The following ARAP2 variants were observed in gnomAD, a reference collection of about 807,000 sequenced individuals.
The protein encoded by ARAP2 is ArfGAP with RhoGAP domain, ankyrin repeat and PH domain 2, also known as arf-GAP with Rho-GAP domain, ANK repeat and PH domain-containing protein 2.
In ARAP2, 148 loss-of-function variants were observed where a neutral mutation model predicts 194.5. That is an observed-to-expected ratio of 0.76 (90% CI 0.67 to 0.87). The LOEUF is 0.87. Among genes scored for constraint, ARAP2 ranks in the 40% least tolerant of loss-of-function variants. The probability of loss-of-function intolerance (pLI) is 0.00; values close to 1 mark genes in which losing one functional copy is unlikely to be tolerated. For missense variants in ARAP2, 2,128 were observed against 1,989.7 expected (o/e 1.07, Z -1.32); for synonymous variants, 695 against 683.5 (o/e 1.02, Z -0.26).
intron 4 of ARAP2, chr4:36,046,662 C>G (rs1721888561): frequency 6.6e-6 from 1 of 152,234 alleles, no homozygotes; most frequent in East Asian, 1.9e-4. Context: ...GAGCAGGCAG[C>G]AGAGCTAACC....
intron 28 of ARAP2, among the ~76,000 whole-genome samples, chr4:36,086,820 A>G (rs1311628884): frequency 6.6e-6 from 1 of 152,128 alleles, no homozygotes; most frequent in Non-Finnish European, 1.5e-5. Flanking sequence ...TCTTCACACC[A>G]TTAACAGTAT....
rs1725969570 is a variant in ARAP2, at chr4:36,068,252, C to T, written c.4770G>A (p.Leu1590=). 1.3e-6 allele frequency: 2 copies of T among 1,568,558 alleles called. No individual in the cohort carries two copies. Among genetic ancestry groups the T allele is most frequent in the Non-Finnish European group, 1.7e-6 (2 of 1,159,586 alleles). Residue 1590 remains leucine (L), a synonymous_variant, in exon 33 of 33, where the codon CTG becomes CTA. Transcript: ENST00000303965. ...CTTTATCACACTTTTCACTGAGCCG[C>T]AGCCTTTCAAGTTCTGCTCTTGCAC... ...IESARAELER[L]RLSEKCDKES... is the part of the protein sequence containing the mutation.
At chr4:36,027,679 C>G (rs557323314) in intron 5 of ARAP2, among the ~76,000 whole-genome samples, 13 of 152,158 alleles carry the variant, frequency 8.5e-5, no homozygotes, top group African/African-American at 3.1e-4. Context: ...TTGTGACATA[C>G]CATCTTCATC....
At chr4:36,150,765 T>C in intron 16 of ARAP2, 135 bp downstream of exon 16, 2 of 940,900 alleles carry the variant, frequency 2.1e-6, no homozygotes, top group Non-Finnish European at 3.1e-6. Context: ...AGGCGCAAGA[T>C]AAGTAAGCTT....
chr4:36,208,101 C>A (rs1745954048), intron 6 of ARAP2, among the ~76,000 whole-genome samples: 1 of 152,138 alleles, frequency 6.6e-6, no homozygotes, highest in Non-Finnish European at 1.5e-5. Flanking sequence ...CCTGTAAGCC[C>A]TGTAGAAGAA....
intron 27 of ARAP2, among the ~76,000 whole-genome samples, chr4:36,096,065 GA>G (rs1018504414): frequency 7.9e-5 from 12 of 151,060 alleles, no homozygotes; most frequent in African/African-American, 2.7e-4. Flanking sequence ...AAAAACTTTA[GA>G]AAAAAAAATT....
chr4:36,134,181 T>C (rs1007961062), intron 19 of ARAP2, among the ~76,000 whole-genome samples: 3 of 151,786 alleles, frequency 2.0e-5, no homozygotes, highest in South Asian at 2.1e-4. Flanking sequence ...CAACACTCAA[T>C]AGACGTAACA....
At chr4:36,100,715 G>A (rs1716645468) in intron 27 of ARAP2, among the ~76,000 whole-genome samples, 1 of 151,720 alleles carries the variant, frequency 6.6e-6, no homozygotes, top group African/African-American at 2.4e-5. Context: ...CACCAAACTG[G>A]GCATAATCAC....
At chr4:36,231,294 C>T (rs1751407012) in intron 1 of ARAP2, among the ~76,000 whole-genome samples, 1 of 151,900 alleles carries the variant, frequency 6.6e-6, no homozygotes, top group South Asian at 2.1e-4. Flanking sequence ...CGAGATGGTG[C>T]CACTGCACTC....
chr4:36,240,983 G>A (rs1753398881), intron 1 of ARAP2, among the ~76,000 whole-genome samples: 1 of 152,042 alleles, frequency 6.6e-6, no homozygotes, highest in Admixed American at 6.5e-5. Context: ...AATCTCCTTA[G>A]CTTCTGTAAG....
At chr4:36,199,646 TAATC>T (rs1743938616) in intron 6 of ARAP2, among the ~76,000 whole-genome samples, 3 of 152,238 alleles carry the variant, frequency 2.0e-5, no homozygotes, top group Admixed American at 2.0e-4. Flanking sequence ...CAGTCCCTGT[TAATC>T]ACCATTCTAC....
Position 36,148,444 on chromosome 4 carries a change from T to C in ARAP2, c.2961A>G (p.Thr987=). 1 of 1,613,318 alleles carries C rather than the reference T, an allele frequency of 6.2e-7. No individual in the cohort carries two copies. Among genetic ancestry groups the C allele is most frequent in the Non-Finnish European group, 8.5e-7 (1 of 1,179,484 alleles). ...SERVFLFGAE[T]SQAQRKWTEA... ...CTGTCCATTTTCTTTGAGCTTGAGA[T>C]GTTTCAGCTCCAAATAAAAACACAC... The change falls in exon 17 of 33, where the codon ACA becomes ACG. Residue 987 remains threonine (T), a synonymous_variant. Transcript: ENST00000303965.
chr4:36,154,580 G>T (rs1731785708), intron 15 of ARAP2, among the ~76,000 whole-genome samples: 1 of 151,106 alleles, frequency 6.6e-6, no homozygotes, highest in Admixed American at 6.6e-5. Flanking sequence ...TTCAACAAAA[G>T]CAATCCATCT....
intron 2 of ARAP2, among the ~76,000 whole-genome samples, chr4:36,054,580 T>C (rs1471550537): frequency 6.6e-6 from 1 of 152,206 alleles, no homozygotes; most frequent in African/African-American, 2.4e-5. Context: ...AGAGCTTGAC[T>C]TCCAGTATAA....
At position 36,160,599 on chromosome 4, in the gene ARAP2, C is replaced by A; in HGVS notation, c.2302G>T (p.Ala768Ser). 6.7e-7 allele frequency: 1 copy of A among 1,498,858 alleles called. No individual in the cohort carries two copies. The highest frequency in any genetic ancestry group is 8.8e-7 in the Non-Finnish European group (1 of 1,134,718). 92.8% of individuals were successfully genotyped at this position (1,498,858 alleles called of 1,614,324 possible). The part of the protein sequence containing the change: ...IGNKRANDFW[A>S]GNLQKDEELH... ...TCTTCATCCTTTTGAAGATTACCAG[C>A]CCAAAAGTCATTTGCTCTTTTGTTT... The change falls in exon 13 of 33, where the codon GCT (alanine) becomes TCT (serine). Residue 768 changes from alanine (A) to serine (S), a missense_variant. By Grantham distance (99) the Ala-to-Ser change is moderately conservative. Coordinates refer to ENST00000303965, the MANE Select transcript of ARAP2 (RefSeq NM_015230.4).
intron 7 of ARAP2, among the ~76,000 whole-genome samples, chr4:36,190,777 A>G (rs929308788): frequency 1.3e-5 from 2 of 152,240 alleles, no homozygotes; most frequent in African/African-American, 2.4e-5. Context: ...CTCAGATGGA[A>G]GAACAAAAAC....
Position 36,159,479 on chromosome 4 carries a change from C to G in ARAP2, c.2469G>C (p.Pro823=), listed in dbSNP as rs149435808. 11 of 1,582,190 alleles carry G rather than the reference C, an allele frequency of 7.0e-6. No homozygotes were observed. Among genetic ancestry groups the G allele is most frequent in the Non-Finnish European group, 9.5e-6 (11 of 1,160,764 alleles). ...GCAAAGCCATTGTTTCTAGAACATC[C>G]GGTTTCACTACAGCAGCACATAGAG... The part of the protein sequence containing the change: ...NKALCAAVVK[P]DVLETMALLF... Residue 823 remains proline (P), a synonymous_variant, in exon 14 of 33, where the codon CCG becomes CCC. Coordinates refer to ENST00000303965, the MANE Select transcript of ARAP2 (RefSeq NM_015230.4).
downstream of ARAP2, among the ~76,000 whole-genome samples, chr4:36,063,401 T>A (rs1222684680): frequency 1.3e-5 from 2 of 150,714 alleles, no homozygotes; most frequent in Non-Finnish European, 2.9e-5. Flanking sequence ...GACACACGTA[T>A]ACCTATGTAA....
chr4:36,040,137 G>T (rs1008096847), intron 5 of ARAP2, among the ~76,000 whole-genome samples: 2 of 152,126 alleles, frequency 1.3e-5, no homozygotes, highest in Non-Finnish European at 2.9e-5. Flanking sequence ...TTTAGCATTT[G>T]CAAGTTGAAT....
Sources: gnomAD v4.1 joint callset for allele counts (sites outside exome capture counted in the v4.1 genomes callset) on GRCh38, gnomAD v4.1.1 for gene constraint, MANE v1.5 for transcripts, NCBI Gene and HGNC (gene_info 2026-07-23, HGNC 2026-07-21) for gene names.